Variants in PDE4D observed in about 807,000 individuals in gnomAD.
PDE4D encodes the protein phosphodiesterase 4D.
PDE4D carries 24 observed loss-of-function variants against 87.4 expected under a neutral mutation model. The ratio of observed to expected loss-of-function variants is 0.27; its 90% CI spans 0.20 to 0.39. PDE4D has a LOEUF of 0.39. Among genes scored for constraint, PDE4D ranks in the 10% least tolerant of loss-of-function variants. PDE4D has a pLI of 1.00. For missense variants in PDE4D, 714 were observed against 1,041.0 expected (o/e 0.69, Z 4.32); for synonymous variants, 384 against 383.2 (o/e 1.00, Z -0.02).
At chr5:59,684,353 C>T (rs951658216) in intron 1 of PDE4D, among the ~76,000 whole-genome samples, 2 of 152,200 alleles carry the variant, frequency 1.3e-5, no homozygotes, top group African/African-American at 4.8e-5. Flanking sequence ...CTCTCCCCCA[C>T]AGAGCATAGA....
At chr5:59,330,618 A>C (rs1281855541) in intron 1 of PDE4D, among the ~76,000 whole-genome samples, 3 of 151,816 alleles carry the variant, frequency 2.0e-5, no homozygotes, top group Non-Finnish European at 4.4e-5. Flanking sequence ...AAAAGAGAAA[A>C]CCATTTTTTT....
rs200567093 is a variant in PDE4D at position 60,439,930 on chromosome 5, A to AAAC, written c.-90+48011_-90+48012insGTT. 8.2e-3 allele frequency among the ~76,000 whole-genome samples: 1,088 copies of AAAC among 131,984 alleles called. 13 individuals carry two copies. The highest frequency in any genetic ancestry group is 0.034 in the African/African-American group (1,029 of 30,406). The allele number at this position is 131,984 out of a possible 152,430, so 86.6% of individuals were successfully genotyped here. On this transcript the variant is annotated intron_variant, in intron 1 of 16. Coordinates refer to the PDE4D transcript ENST00000502484. ...TTTCCATTGTTTAAAAAAAAAAACA[A>AAAC]AAAAAAAAAACCCTAAACTGCATAA... is the stretch of plus-strand genomic sequence containing the variant.
intron 3 of PDE4D, among the ~76,000 whole-genome samples, chr5:59,944,338 G>C (rs1757501779): frequency 6.6e-6 from 1 of 152,060 alleles, no homozygotes; most frequent in African/African-American, 2.4e-5. Context: ...CTTTAGGATT[G>C]TATCTGGGCA....
intron 1 of PDE4D, among the ~76,000 whole-genome samples, chr5:59,820,343 A>C (rs926283076): frequency 6.6e-6 from 1 of 152,226 alleles, no homozygotes; most frequent in South Asian, 2.1e-4. Flanking sequence ...TCCTCAGGCT[A>C]TCCCCAAATC....
At chr5:59,967,113 C>T (rs1244196193) in intron 3 of PDE4D, among the ~76,000 whole-genome samples, 1 of 152,024 alleles carries the variant, frequency 6.6e-6, no homozygotes, top group Admixed American at 6.6e-5. Flanking sequence ...CTTTTCATAC[C>T]ACGTAAGGGT....
intron 1 of PDE4D, among the ~76,000 whole-genome samples, chr5:60,394,847 C>T (rs1471750381): frequency 6.6e-6 from 1 of 152,184 alleles, no homozygotes; most frequent in African/African-American, 2.4e-5. Flanking sequence ...CATGAATCTA[C>T]ATTAATATCC....
At chr5:59,040,513 C>T (rs1482449019) in intron 5 of PDE4D, among the ~76,000 whole-genome samples, 2 of 151,650 alleles carry the variant, frequency 1.3e-5, no homozygotes, top group East Asian at 3.9e-4. Flanking sequence ...GTGCAGAGTA[C>T]ACTACAATTT....
At chr5:59,912,294 G>A (rs1369212395) in intron 3 of PDE4D, among the ~76,000 whole-genome samples, 1 of 152,188 alleles carries the variant, frequency 6.6e-6, no homozygotes, top group African/African-American at 2.4e-5. Context: ...GATAAGAAAA[G>A]ATTTAAGCTA....
chr5:59,755,109 A>G (rs1761036087), intron 1 of PDE4D, among the ~76,000 whole-genome samples: 1 of 152,198 alleles, frequency 6.6e-6, no homozygotes, highest in Non-Finnish European at 1.5e-5. Context: ...GTTGAATTAA[A>G]TAAGGAGAAG....
chr5:59,012,451 G>C (rs1462301487), intron 6 of PDE4D, among the ~76,000 whole-genome samples: 1 of 152,152 alleles, frequency 6.6e-6, no homozygotes, highest in Non-Finnish European at 1.5e-5. Context: ...TAAAGGGATG[G>C]AGGAAGATCT....
At chr5:59,703,973 A>G (rs1247017878) in intron 1 of PDE4D, among the ~76,000 whole-genome samples, 1 of 152,106 alleles carries the variant, frequency 6.6e-6, no homozygotes, top group Non-Finnish European at 1.5e-5. Context: ...AGAAAGAGGG[A>G]GAAAGTGAGA....
intron 2 of PDE4D, among the ~76,000 whole-genome samples, chr5:60,022,183 T>A (rs1401130876): frequency 6.6e-6 from 1 of 152,220 alleles, no homozygotes; most frequent in Non-Finnish European, 1.5e-5. Flanking sequence ...AAGGTCATTT[T>A]TTGTAGCTTT....
intron 1 of PDE4D, among the ~76,000 whole-genome samples, chr5:59,778,605 C>T (rs553424470): frequency 1.3e-5 from 2 of 152,202 alleles, no homozygotes; most frequent in South Asian, 4.2e-4. Context: ...GGGAAATCAA[C>T]CTATGACAAA....
At chr5:59,919,077 T>A (rs1211561484) in intron 3 of PDE4D, among the ~76,000 whole-genome samples, 1 of 152,218 alleles carries the variant, frequency 6.6e-6, no homozygotes, top group Non-Finnish European at 1.5e-5. Context: ...GGAGAACAGA[T>A]GAATTTAGTT....
chr5:59,732,646 T>C (rs1344777220), intron 1 of PDE4D, among the ~76,000 whole-genome samples: 1 of 152,056 alleles, frequency 6.6e-6, no homozygotes, highest in Non-Finnish European at 1.5e-5. Flanking sequence ...CTTCCCTTAT[T>C]AAATGGAAAT....
Position 59,626,532 on chromosome 5 carries a change from C to T in PDE4D, c.455+266636G>A, listed in dbSNP as rs527976540. ...TATTATGTAATTTTAGTTAAGCTAA[C>T]TGCAAGTTTGCAGTTTACAAAAATG... On this transcript the variant is annotated intron_variant, in intron 1 of 14. Transcript: ENST00000340635. 3.9e-5 allele frequency among the ~76,000 whole-genome samples: 6 copies of T among 152,286 alleles called. No individual in the cohort carries two copies. In the South Asian group the frequency reaches 1.2e-3, roughly 32 times the overall value.
At chr5:59,457,248 T>C (rs1454791628) in intron 1 of PDE4D, among the ~76,000 whole-genome samples, 1 of 152,206 alleles carries the variant, frequency 6.6e-6, no homozygotes, top group Non-Finnish European at 1.5e-5. Context: ...GCCACCCTGA[T>C]CAATCAGTAG....
chr5:60,241,437 C>G (rs547025126), intron 1 of PDE4D, among the ~76,000 whole-genome samples: 3 of 152,086 alleles, frequency 2.0e-5, no homozygotes, highest in Admixed American at 2.0e-4. Flanking sequence ...CCACACTTGG[C>G]TAATTTTTGT....
At chr5:59,994,204 TTAA>T (rs1763299408) in intron 2 of PDE4D, among the ~76,000 whole-genome samples, 1 of 152,030 alleles carries the variant, frequency 6.6e-6, no homozygotes. Context: ...TCTGTGGTTC[TTAA>T]TAATCTCACA....
Sources: gnomAD v4.1 joint callset for allele counts (sites outside exome capture counted in the v4.1 genomes callset) on GRCh38, gnomAD v4.1.1 for gene constraint, MANE v1.5 for transcripts, NCBI Gene and HGNC (gene_info 2026-07-23, HGNC 2026-07-21) for gene names.